The following CYP3A43 variants were observed in gnomAD, a reference collection of about 807,000 sequenced individuals.
CYP3A43 encodes the protein cytochrome P450 3A43.
CYP3A43 carries 45 observed loss-of-function variants against 58.0 expected under a neutral mutation model. That is an observed-to-expected ratio of 0.78 (90% CI 0.61 to 0.99). The LOEUF (loss-of-function observed/expected upper bound fraction) is 0.99, where lower values mean the gene tolerates loss of function less well. Ranked by LOEUF, CYP3A43 falls within the 50% of genes least tolerant of loss-of-function variation. The probability of loss-of-function intolerance (pLI) is 0.00; values close to 1 mark genes in which losing one functional copy is unlikely to be tolerated. For synonymous variants in CYP3A43, 191 were observed against 201.4 expected, an observed-to-expected ratio of 0.95 and a Z score of 0.44; for missense variants, 593 against 591.9, an observed-to-expected ratio of 1.00 and a Z score of -0.02.
In CYP3A43 at chr7:99,839,105, T is replaced by G; in HGVS notation, c.166-15T>G. 1.9e-6 allele frequency: 3 copies of G among 1,614,198 alleles called. No individual in the cohort carries two copies. Among genetic ancestry groups the G allele is most frequent in the Non-Finnish European group, 2.5e-6 (3 of 1,180,006 alleles). On this transcript the variant is annotated splice_polypyrimidine_tract_variant and intron_variant, in intron 2 of 12. Coordinates refer to ENST00000354829, the MANE Select transcript of CYP3A43 (RefSeq NM_057095.3). ...TCGAAATAATACTTGAATTGTATTTTGTTTCTTCTGCCAGGGTCTTTGGAA... is the reference window on the plus strand; with the variant it reads ...TCGAAATAATACTTGAATTGTATTTGGTTTCTTCTGCCAGGGTCTTTGGAA...
At chr7:99,838,705 C>T (rs879487906) in intron 2 of CYP3A43, 3 of 1,286,252 alleles carry the variant, frequency 2.3e-6, no homozygotes, top group African/African-American at 1.5e-5. Context: ...CCCAGCTGGG[C>T]GTGGTGGCTC....
chr7:99,857,869 A>G lies in CYP3A43; in HGVS notation c.865+970A>G, dbSNP rs540493950. Among the ~76,000 whole-genome samples, 3 of 152,290 alleles carry G rather than the reference A, an allele frequency of 2.0e-5. No individual in the cohort carries two copies. In the South Asian group the frequency reaches 6.2e-4, roughly 32 times the overall value. ...AAAATAATACTAAATAAATAAAATAAGTAAAAATAAAGAGCAGGAAATGTT... is the reference window on the plus strand; with the variant it reads ...AAAATAATACTAAATAAATAAAATAGGTAAAAATAAAGAGCAGGAAATGTT... On this transcript the variant is annotated intron_variant, in intron 9 of 12. Coordinates refer to ENST00000354829, the MANE Select transcript of CYP3A43 (RefSeq NM_057095.3).
rs561165271 is a variant in CYP3A43, at chr7:99,831,550, T to C, written c.71+3364T>C. Among the ~76,000 whole-genome samples, 3 of 152,328 alleles carry C rather than the reference T, an allele frequency of 2.0e-5. No homozygotes were observed. The East Asian group carries it at 5.8e-4, about 29-fold the overall frequency. On this transcript the variant is annotated intron_variant, in intron 1 of 12. Coordinates refer to ENST00000354829, the MANE Select transcript of CYP3A43 (RefSeq NM_057095.3). ...ATGGTTACATCGGCGGGATGCAGCC[T>C]CTCTTTTTCCTCCAGTCTTCCATCC...
rs140766770 is a variant in CYP3A43 at position 99,865,940 on chromosome 7, A to G, written c.1451A>G (p.Gln484Arg). Residue 484 changes from glutamine to arginine, a missense_variant, in exon 13 of 13, where the codon CAA becomes CGA. Physicochemically the swap from Gln to Arg is conservative, Grantham distance 43. Coordinates refer to ENST00000354829, the MANE Select transcript of CYP3A43 (RefSeq NM_057095.3). ...AAATTAGACAATCTACCAATTCTTC[A>G]ACCAGAAAAACCTATTGTTCTAAAA... The part of the protein sequence containing the change: ...PLKLDNLPIL[Q>R]PEKPIVLKVH... The G allele has an allele frequency of 2.1e-4, 332 of 1,608,838 alleles. 32 individuals carry two copies. In the African/African-American group the frequency reaches 3.3e-3, roughly 16 times the overall value.
chr7:99,833,329 G>A (rs995795917), intron 1 of CYP3A43, among the ~76,000 whole-genome samples: 1 of 152,144 alleles, frequency 6.6e-6, no homozygotes, highest in Non-Finnish European at 1.5e-5. Flanking sequence ...GTGGGAGGGG[G>A]GAGATCTGTG....
chr7:99,843,505 G>T (rs777504540), intron 3 of CYP3A43, among the ~76,000 whole-genome samples: 3 of 151,734 alleles, frequency 2.0e-5, no homozygotes, highest in African/African-American at 4.8e-5. Context: ...TCGCTGTATT[G>T]CCCAGGCTGG....
chr7:99,828,029 AC>A lies in CYP3A43; in HGVS notation c.-86del. On this transcript the variant is annotated 5_prime_UTR_variant, in exon 1 of 13. Coordinates refer to ENST00000354829, the MANE Select transcript of CYP3A43 (RefSeq NM_057095.3). ...AACTAAATCACCTCTGGGCAGAGAA[AC>A]AAAGCTCTATATGCACAGCCCAGCA... 1 of 1,064,286 alleles carries A rather than the reference AC, an allele frequency of 9.4e-7. No individual in the cohort carries two copies. The highest frequency in any genetic ancestry group is 1.6e-5 in the African/African-American group (1 of 63,774). 65.9% of individuals were successfully genotyped at this position (1,064,286 alleles called of 1,614,324 possible).
chr7:99,855,992 T>G (rs553063101), intron 8 of CYP3A43, among the ~76,000 whole-genome samples: 1 of 152,340 alleles, frequency 6.6e-6, no homozygotes, highest in Admixed American at 6.5e-5. Context: ...TTCTCTTCCT[T>G]TCAGTAAATT....
intron 9 of CYP3A43, among the ~76,000 whole-genome samples, chr7:99,858,662 ATTATTATTATTAT>A (rs1818093390): frequency 0.014 from 2 of 142 alleles, no homozygotes; most frequent in Non-Finnish European, 0.031. Context: ...TTCCTGCTGT[ATTATTATTATTAT>A]TATTATTATT....
intron 7 of CYP3A43, among the ~76,000 whole-genome samples, chr7:99,854,189 C>T (rs1817881609): frequency 6.6e-6 from 1 of 151,914 alleles, no homozygotes; most frequent in South Asian, 2.1e-4. Context: ...TGGTCACCAT[C>T]CTTCTACTCT....
In CYP3A43 at chr7:99,834,684, T is replaced by G. The variant is rs576736519; in HGVS notation, c.72-1769T>G. On this transcript the variant is annotated intron_variant, in intron 1 of 12. Transcript: ENST00000354829. ...GGAGTTGTTCTGGGCATTTCTTCAA[T>G]AGAGTTTTGTTTTTAGTCTCATCAT... 9.2e-5 allele frequency among the ~76,000 whole-genome samples: 14 copies of G among 152,104 alleles called. No homozygotes were observed. In the South Asian group the frequency reaches 2.9e-3, roughly 32 times the overall value.
chr7:99,857,820 G>A (rs1271139418), intron 9 of CYP3A43, among the ~76,000 whole-genome samples: 2 of 152,114 alleles, frequency 1.3e-5, no homozygotes, highest in Admixed American at 1.3e-4. Flanking sequence ...TCCAGCCTGG[G>A]CAACAGAGTG....
chr7:99,844,923 G>T (rs900676581), intron 4 of CYP3A43, among the ~76,000 whole-genome samples: 1 of 152,018 alleles, frequency 6.6e-6, no homozygotes, highest in Non-Finnish European at 1.5e-5. Flanking sequence ...ACAAAAATTA[G>T]CCAGGCATGG....
At chr7:99,840,432 T>G (rs1817286470) in intron 3 of CYP3A43, among the ~76,000 whole-genome samples, 1 of 152,198 alleles carries the variant, frequency 6.6e-6, no homozygotes. Context: ...TACCTTGAGA[T>G]GAATATGTAA....
Position 99,861,699 on chromosome 7 carries a change from T to C in CYP3A43, c.1113T>C (p.Ser371=), listed in dbSNP as rs1449938252. Residue 371 remains serine (S), a synonymous_variant, in exon 11 of 13, where the codon AGT becomes AGC. Transcript: ENST00000354829. ...CGCTCAGATTATTCCCAGTTGTTAGTAGAGTTACGAGAGTCTGCAAGAAAG... is the reference window on the plus strand; with the variant it reads ...CGCTCAGATTATTCCCAGTTGTTAGCAGAGTTACGAGAGTCTGCAAGAAAG... The part of the protein sequence containing the change: ...NETLRLFPVV[S]RVTRVCKKDI... 1.2e-6 allele frequency: 2 copies of C among 1,614,124 alleles called. No individual in the cohort carries two copies. The highest frequency in any genetic ancestry group is 2.2e-5 in the South Asian group (2 of 91,080).
chr7:99,847,539 G>A lies in CYP3A43; in HGVS notation c.370G>A (p.Glu124Lys), dbSNP rs1199092868. 6.2e-7 allele frequency: 1 copy of A among 1,614,018 alleles called. No homozygotes were observed. The highest frequency in any genetic ancestry group is 8.5e-7 in the Non-Finnish European group (1 of 1,179,966). ...LKSALSFAED[E>K]EWKRIRTLLS... is the part of the protein sequence containing the mutation. Reference sequence around the variant, plus strand: ...AAGTGCCTTAAGTTTTGCTGAAGATGAAGAATGGAAGAGAATACGAACATT... The same window carrying A: ...AAGTGCCTTAAGTTTTGCTGAAGATAAAGAATGGAAGAGAATACGAACATT... Residue 124 changes from glutamate to lysine, a missense_variant, in exon 5 of 13, where the codon GAA becomes AAA. Transcript: ENST00000354829.
At chr7:99,848,313 G>T in intron 6 of CYP3A43, 59 bp downstream of exon 6, 1 of 1,553,626 alleles carries the variant, frequency 6.4e-7, no homozygotes, top group Non-Finnish European at 8.8e-7. Flanking sequence ...TGCCTGCAGT[G>T]GAGCTGATAT....
chr7:99,861,629 A>C lies in CYP3A43; in HGVS notation c.1043A>C (p.Asp348Ala). Residue 348 changes from aspartate (D) to alanine (A), a missense_variant, in exon 11 of 13, where the codon GAT (aspartate) becomes GCT (alanine). Physicochemically the swap from Asp to Ala is moderately radical, Grantham distance 126 (BLOSUM62 -2). Coordinates refer to ENST00000354829, the MANE Select transcript of CYP3A43 (RefSeq NM_057095.3). ...TCTTCCCAGGCACCTGTCACCTACG[A>C]TGCCCTGGTACAGATGGAGTACCTT... ...VLPNKAPVTY[D>A]ALVQMEYLDM... The C allele has an allele frequency of 6.2e-7, 1 of 1,614,054 alleles. No homozygotes were observed. Among genetic ancestry groups the C allele is most frequent in the Non-Finnish European group, 8.5e-7 (1 of 1,179,954 alleles).
At chr7:99,828,328 A>C (rs923332989) in intron 1 of CYP3A43, 142 bp downstream of exon 1, 2 of 549,444 alleles carry the variant, frequency 3.6e-6, no homozygotes, top group Non-Finnish European at 6.3e-6. Context: ...GAACACATAA[A>C]ATATTATTAA....
Sources: allele counts gnomAD v4.1 joint callset (sites outside exome capture counted in the v4.1 genomes callset), GRCh38; gene constraint gnomAD v4.1.1; transcripts MANE v1.5; gene names NCBI Gene and HGNC (gene_info 2026-07-23, HGNC 2026-07-21).